STK32B: variants seen among roughly 807,000 people sequenced by gnomAD.
The protein encoded by STK32B is serine/threonine kinase 32B.
Under a neutral mutation model 52.6 loss-of-function variants are expected in STK32B, and 43 were observed. The observed-to-expected ratio is 0.82, with a 90% CI of 0.64 to 1.05. STK32B has a LOEUF of 1.05. Ranked by LOEUF, STK32B falls within the 50% of genes least tolerant of loss-of-function variation. The pLI, the probability that STK32B is intolerant of heterozygous loss-of-function variation, is 0.00. For synonymous variants in STK32B, 238 were observed against 204.3 expected (o/e 1.17, Z -1.41); for missense variants, 621 against 534.6 (o/e 1.16, Z -1.59).
chr4:5,215,115 T>C (rs1462393379), intron 3 of STK32B, among the ~76,000 whole-genome samples: 1 of 152,248 alleles, frequency 6.6e-6, no homozygotes, highest in Admixed American at 6.5e-5. Context: ...GGGATCTTTA[T>C]TGAACTATTT....
chr4:5,368,794 G>A lies in STK32B; in HGVS notation c.435-29413G>A, dbSNP rs188202199. The stretch of plus-strand genomic sequence containing the variant: ...CCACTGCTGGTGTCCTCTTGCCTGG[G>A]GACACTGTGCAAGCCCAGCTAAATG... On this transcript the variant is annotated intron_variant, in intron 4 of 11. Transcript: ENST00000282908. Among the ~76,000 whole-genome samples the A allele has an allele frequency of 1.2e-3, 187 of 152,298 alleles. 1 individual carries two copies. Among genetic ancestry groups the A allele is most frequent in the African/African-American group, 4.1e-3 (169 of 41,566 alleles).
At chr4:5,160,229 G>C (rs571761882) in intron 2 of STK32B, among the ~76,000 whole-genome samples, 1 of 152,250 alleles carries the variant, frequency 6.6e-6, no homozygotes, top group African/African-American at 2.4e-5. Context: ...TCTCCACAAT[G>C]TCCTGTGCCC....
chr4:5,379,187 C>G (rs1735770044), intron 4 of STK32B, among the ~76,000 whole-genome samples: 1 of 152,166 alleles, frequency 6.6e-6, no homozygotes, highest in South Asian at 2.1e-4. Context: ...GTCGGCGGAG[C>G]TGGACTGGAA....
chr4:5,159,262 T>A (rs1439297456), intron 2 of STK32B, among the ~76,000 whole-genome samples: 1 of 151,994 alleles, frequency 6.6e-6, no homozygotes, highest in Non-Finnish European at 1.5e-5. Context: ...AGTAACAAGC[T>A]GTTTGAGCTT....
At chr4:5,294,741 A>G (rs570901805) in intron 3 of STK32B, among the ~76,000 whole-genome samples, 12 of 152,116 alleles carry the variant, frequency 7.9e-5, no homozygotes, top group African/African-American at 2.2e-4. Flanking sequence ...GACTTCCTCT[A>G]TTCCTATCTG....
At chr4:5,264,207 G>C (rs1347501301) in intron 3 of STK32B, among the ~76,000 whole-genome samples, 2 of 152,142 alleles carry the variant, frequency 1.3e-5, no homozygotes, top group Non-Finnish European at 1.5e-5. Flanking sequence ...TATAGAGTAA[G>C]CATATTTGTA....
intron 3 of STK32B, among the ~76,000 whole-genome samples, chr4:5,329,149 A>G (rs938155303): frequency 3.3e-5 from 5 of 152,222 alleles, no homozygotes; most frequent in Admixed American, 2.0e-4. Context: ...AGGGCCTTTC[A>G]GCACAGAACA....
At chr4:5,350,276 A>G (rs1324760045) in intron 4 of STK32B, among the ~76,000 whole-genome samples, 1 of 152,210 alleles carries the variant, frequency 6.6e-6, no homozygotes, top group Non-Finnish European at 1.5e-5. Flanking sequence ...TCAGAAAAAA[A>G]TATTTAAAAC....
chr4:5,333,970 G>A (rs1411161624), intron 4 of STK32B, among the ~76,000 whole-genome samples: 1 of 152,094 alleles, frequency 6.6e-6, no homozygotes, highest in African/African-American at 2.4e-5. Context: ...CTCTTTTTTG[G>A]TTCCATATGA....
intron 3 of STK32B, among the ~76,000 whole-genome samples, chr4:5,269,120 C>G (rs951364553): frequency 1.3e-4 from 20 of 152,086 alleles, no homozygotes; most frequent in African/African-American, 4.8e-4. Flanking sequence ...GAGAGCAGAG[C>G]ATGCACAGAG....
intron 4 of STK32B, among the ~76,000 whole-genome samples, chr4:5,374,773 C>CGG (rs35953395): frequency 5.1e-4 from 65 of 127,578 alleles, no homozygotes; most frequent in African/African-American, 1.9e-3. Context: ...TGAATATTGA[C>CGG]GGGGGCGGGG....
chr4:5,320,245 C>T (rs1361891501), intron 3 of STK32B, among the ~76,000 whole-genome samples: 1 of 152,144 alleles, frequency 6.6e-6, no homozygotes, highest in Non-Finnish European at 1.5e-5. Flanking sequence ...GATTCCCCCT[C>T]CCATGATAGG....
intron 6 of STK32B, among the ~76,000 whole-genome samples, chr4:5,417,250 T>C (rs1712244144): frequency 6.6e-6 from 1 of 152,248 alleles, no homozygotes; most frequent in African/African-American, 2.4e-5. Context: ...TTTTCCAGAA[T>C]TTAACTTGGT....
intron 3 of STK32B, among the ~76,000 whole-genome samples, chr4:5,226,344 AG>A (rs1723870219): frequency 6.6e-6 from 1 of 152,192 alleles, no homozygotes; most frequent in African/African-American, 2.4e-5. Context: ...CCAGGACACA[AG>A]TATAGTAGCT....
intron 4 of STK32B, among the ~76,000 whole-genome samples, chr4:5,342,012 C>T (rs1398646875): frequency 1.3e-5 from 2 of 152,144 alleles, no homozygotes; most frequent in African/African-American, 4.8e-5. Context: ...TACTCCATGA[C>T]AGGCCCCAGT....
chr4:5,207,811 C>T (rs1203479051), intron 3 of STK32B, among the ~76,000 whole-genome samples: 1 of 151,490 alleles, frequency 6.6e-6, no homozygotes, highest in Middle Eastern at 3.2e-3. Context: ...TTGAGAGTTC[C>T]AAGATGAAGT....
chr4:5,188,245 G>C (rs893454549), intron 3 of STK32B, among the ~76,000 whole-genome samples: 2 of 152,148 alleles, frequency 1.3e-5, no homozygotes, highest in African/African-American at 4.8e-5. Context: ...CACGATGCTC[G>C]ATGACCGAGC....
chr4:5,269,565 A>G (rs1429925713), intron 3 of STK32B, among the ~76,000 whole-genome samples: 2 of 152,224 alleles, frequency 1.3e-5, no homozygotes, highest in Non-Finnish European at 2.9e-5. Flanking sequence ...TGTTAGAATT[A>G]GCAGACAAGG....
At chr4:5,443,023 T>C (rs1212693789) in intron 6 of STK32B, among the ~76,000 whole-genome samples, 1 of 151,290 alleles carries the variant, frequency 6.6e-6, no homozygotes, top group Non-Finnish European at 1.5e-5. Context: ...CCTTTCTCTC[T>C]GGCTGCCCTT....
Sources: gnomAD v4.1 joint callset for allele counts (sites outside exome capture counted in the v4.1 genomes callset) on GRCh38, gnomAD v4.1.1 for gene constraint, MANE v1.5 for transcripts, NCBI Gene and HGNC (gene_info 2026-07-23, HGNC 2026-07-21) for gene names.